The following PRKCA variants were observed in gnomAD, a reference collection of about 807,000 sequenced individuals.
PRKCA encodes the protein protein kinase C alpha.
PRKCA carries 27 observed loss-of-function variants against 87.0 expected under a neutral mutation model. The observed-to-expected ratio is 0.31, with a 90% CI of 0.23 to 0.43. PRKCA has a LOEUF of 0.43. Ranked by LOEUF, PRKCA falls within the 20% of genes least tolerant of loss-of-function variation. The pLI is 1.00. For missense variants in PRKCA, 518 were observed against 852.3 expected, an observed-to-expected ratio of 0.61 and a Z score of 4.88; for synonymous variants, 329 against 311.1, an observed-to-expected ratio of 1.06 and a Z score of -0.61.
intron 2 of PRKCA, among the ~76,000 whole-genome samples, chr17:66,426,649 T>G (rs1463526850): frequency 6.6e-6 from 1 of 152,216 alleles, no homozygotes; most frequent in East Asian, 1.9e-4. Flanking sequence ...GTCCAACCCT[T>G]GCCCTTGTAA....
rs546749328 is a variant in PRKCA, at chr17:66,560,948, A to G, written c.288+64665A>G. Among the ~76,000 whole-genome samples, 4 of 152,212 alleles carry G rather than the reference A, an allele frequency of 2.6e-5. No homozygotes were observed. In the South Asian group the frequency reaches 6.2e-4, roughly 24 times the overall value. ...TCGGCTGTCTTCCCAAGTCAGCGCC[A>G]TCTTCCTTCCTGCTCATTTCCTGTC... On this transcript the variant is annotated intron_variant, in intron 3 of 16. Coordinates refer to ENST00000413366, the MANE Select transcript of PRKCA (RefSeq NM_002737.3).
chr17:66,655,933 A>T (rs180777993), intron 5 of PRKCA, among the ~76,000 whole-genome samples: 119 of 152,284 alleles, frequency 7.8e-4, no homozygotes, highest in African/African-American at 2.8e-3. Flanking sequence ...GAGACACATG[A>T]TTATTTACAT....
intron 2 of PRKCA, among the ~76,000 whole-genome samples, chr17:66,478,297 C>G (rs767462749): frequency 6.6e-6 from 1 of 152,012 alleles, no homozygotes; most frequent in African/African-American, 2.4e-5. Context: ...TCTTGTTGCC[C>G]AGACTGGAGT....
At chr17:66,381,008 TA>T (rs1433162259) in intron 2 of PRKCA, among the ~76,000 whole-genome samples, 3 of 151,550 alleles carry the variant, frequency 2.0e-5, no homozygotes, top group Non-Finnish European at 4.4e-5. Context: ...GGCACCATCA[TA>T]GCTCACTGTA....
At chr17:66,406,585 G>GATT (rs529714675) in intron 2 of PRKCA, among the ~76,000 whole-genome samples, 1 of 70,180 alleles carries the variant, frequency 1.4e-5, no homozygotes, top group African/African-American at 4.6e-5. Context: ...GCTTTTCCAG[G>GATT]TTTTTTTTTT....
Position 66,521,527 on chromosome 17 carries a change from T to G in PRKCA, c.288+25244T>G, listed in dbSNP as rs144353693. Among the ~76,000 whole-genome samples, 1,224 of 152,350 alleles carry G rather than the reference T, an allele frequency of 8.0e-3. 13 individuals carry two copies. The highest frequency in any genetic ancestry group is 0.012 in the Non-Finnish European group (845 of 68,036). Reference sequence around the variant, plus strand: ...GATGGTACAAATGAGAAAATAAGGTTTATCTTTTCTCTAAGAAAGACTAAA... The same window carrying G: ...GATGGTACAAATGAGAAAATAAGGTGTATCTTTTCTCTAAGAAAGACTAAA... On this transcript the variant is annotated intron_variant, in intron 3 of 16. Transcript: ENST00000413366.
chr17:66,577,125 C>T (rs1349411711), intron 3 of PRKCA, among the ~76,000 whole-genome samples: 1 of 152,142 alleles, frequency 6.6e-6, no homozygotes, highest in Non-Finnish European at 1.5e-5. Context: ...CTGCCTCTGC[C>T]TCTCAGAGTG....
chr17:66,492,717 G>A (rs1451151963), intron 2 of PRKCA, among the ~76,000 whole-genome samples: 1 of 152,198 alleles, frequency 6.6e-6, no homozygotes, highest in Non-Finnish European at 1.5e-5. Flanking sequence ...AGATTAATTT[G>A]TGCCATCACA....
chr17:66,693,430 A>G (rs549675227), intron 8 of PRKCA, among the ~76,000 whole-genome samples: 1 of 152,230 alleles, frequency 6.6e-6, no homozygotes, highest in Non-Finnish European at 1.5e-5. Flanking sequence ...CTAAGCAGAC[A>G]GTTCCTGCTT....
chr17:66,767,543 A>G (rs1211856208), intron 13 of PRKCA, among the ~76,000 whole-genome samples: 3 of 152,198 alleles, frequency 2.0e-5, no homozygotes, highest in Admixed American at 6.5e-5. Flanking sequence ...ATTCACTTAC[A>G]TGAAGGAGGA....
chr17:66,444,428 A>G (rs967359851), intron 2 of PRKCA, among the ~76,000 whole-genome samples: 5 of 152,218 alleles, frequency 3.3e-5, no homozygotes, highest in South Asian at 4.1e-4. Context: ...AGGTACATCT[A>G]TGATGGCTGG....
At chr17:66,786,725 A>C in intron 14 of PRKCA, 142 bp from the exon 15 acceptor site, 1 of 616,342 alleles carries the variant, frequency 1.6e-6, no homozygotes, top group Middle Eastern at 4.2e-4. Flanking sequence ...ATAAACCGTC[A>C]AGTTAGCTGA....
intron 3 of PRKCA, among the ~76,000 whole-genome samples, chr17:66,503,907 T>A (rs1330689254): frequency 1.3e-5 from 2 of 152,218 alleles, no homozygotes; most frequent in Non-Finnish European, 2.9e-5. Flanking sequence ...AAGCCAGTTC[T>A]ACCCCCAAAA....
At chr17:66,796,787 C>T (rs1417785042) in intron 16 of PRKCA, 10 of 985,194 alleles carry the variant, frequency 1.0e-5, no homozygotes, top group African/African-American at 1.7e-5. Flanking sequence ...CAGATGGTGG[C>T]GATGCGGTTG....
chr17:66,767,359 G>T (rs557412451), intron 13 of PRKCA, among the ~76,000 whole-genome samples: 1 of 152,084 alleles, frequency 6.6e-6, no homozygotes, highest in African/African-American at 2.4e-5. Context: ...CTGCTGGTAC[G>T]GAGTGAAGAC....
At chr17:66,479,397 C>T (rs1402765612) in intron 2 of PRKCA, among the ~76,000 whole-genome samples, 1 of 152,170 alleles carries the variant, frequency 6.6e-6, no homozygotes, top group Non-Finnish European at 1.5e-5. Flanking sequence ...CACTTTTACA[C>T]TTATGGTGGA....
At chr17:66,368,676 G>A (rs939684339) in intron 2 of PRKCA, among the ~76,000 whole-genome samples, 1 of 151,918 alleles carries the variant, frequency 6.6e-6, no homozygotes, top group African/African-American at 2.4e-5. Flanking sequence ...ACAGGCATAA[G>A]CCACCATGCC....
chr17:66,754,640 A>G (rs565984005), intron 13 of PRKCA, among the ~76,000 whole-genome samples: 1 of 152,302 alleles, frequency 6.6e-6, no homozygotes, highest in Admixed American at 6.5e-5. Context: ...AAAAGAGAGG[A>G]TCTGAAGAGG....
intron 2 of PRKCA, among the ~76,000 whole-genome samples, chr17:66,393,014 T>C (rs1292141924): frequency 1.3e-5 from 2 of 151,994 alleles, no homozygotes; most frequent in Admixed American, 6.6e-5. Context: ...GTTGGCTAAA[T>C]AGAGGGGAAA....
Sources: allele counts gnomAD v4.1 joint callset (sites outside exome capture counted in the v4.1 genomes callset), GRCh38; gene constraint gnomAD v4.1.1; transcripts MANE v1.5; gene names NCBI Gene and HGNC (gene_info 2026-07-23, HGNC 2026-07-21).